The following FAF1 variants were observed in gnomAD, a reference collection of about 807,000 sequenced individuals.
The protein encoded by FAF1 is FAS-associated factor 1.
FAF1 carries 25 observed loss-of-function variants against 92.5 expected under a neutral mutation model. The ratio of observed to expected loss-of-function variants is 0.27; its 90% CI spans 0.20 to 0.38. The LOEUF is 0.38. Among genes scored for constraint, FAF1 ranks in the 10% least tolerant of loss-of-function variants. The pLI is 1.00. For missense variants in FAF1, 636 were observed against 793.3 expected, an observed-to-expected ratio of 0.80 and a Z score of 2.38; for synonymous variants, 234 against 273.2, an observed-to-expected ratio of 0.86 and a Z score of 1.42.
At chr1:50,688,610 C>A in intron 7 of FAF1, among the ~76,000 whole-genome samples, 1 of 152,066 alleles carries the variant, frequency 6.6e-6, no homozygotes, top group East Asian at 1.9e-4. Flanking sequence ...GGCGGAAGTT[C>A]GAGACCAACC....
chr1:50,907,352 G>A (rs1644848568), intron 1 of FAF1, among the ~76,000 whole-genome samples: 1 of 152,122 alleles, frequency 6.6e-6, no homozygotes, highest in Non-Finnish European at 1.5e-5. Context: ...TTTTTTGGTT[G>A]TGTCTCTGCC....
rs569675138 is a variant in FAF1, at chr1:50,622,570, C to T, written c.745-26354G>A. On this transcript the variant is annotated intron_variant, in intron 8 of 18. Transcript: ENST00000396153. ...AAAGGATATTAGTACAATTGTCATC[C>T]AGGAATCTAATATTACTTGAAATTT... 2.6e-5 allele frequency among the ~76,000 whole-genome samples: 4 copies of T among 152,292 alleles called. No homozygotes were observed. The South Asian group carries it at 6.2e-4, about 24-fold the overall frequency.
chr1:50,711,833 T>C (rs896228047), intron 6 of FAF1, among the ~76,000 whole-genome samples: 1 of 152,164 alleles, frequency 6.6e-6, no homozygotes, highest in African/African-American at 2.4e-5. Flanking sequence ...GAGTAGAGTT[T>C]GTTTGGAGAA....
intron 12 of FAF1, among the ~76,000 whole-genome samples, chr1:50,573,560 T>C (rs917877336): frequency 6.6e-6 from 1 of 152,204 alleles, no homozygotes; most frequent in East Asian, 1.9e-4. Flanking sequence ...AGAGTGCAGG[T>C]TGTATTGTGA....
chr1:50,509,555 T>A (rs116626164), intron 15 of FAF1, among the ~76,000 whole-genome samples: 1,948 of 152,188 alleles, frequency 0.013, 19 homozygotes, highest in Middle Eastern at 0.02. Context: ...GAGGCTGCAG[T>A]GAGCTGTGAC....
chr1:50,536,887 T>C (rs1458441716), intron 14 of FAF1, among the ~76,000 whole-genome samples: 1 of 152,058 alleles, frequency 6.6e-6, no homozygotes, highest in Non-Finnish European at 1.5e-5. Flanking sequence ...TTAGAAGGAG[T>C]GGAGATAACG....
chr1:50,629,050 A>T (rs1344732929), intron 8 of FAF1, among the ~76,000 whole-genome samples: 1 of 152,140 alleles, frequency 6.6e-6, no homozygotes, highest in Non-Finnish European at 1.5e-5. Context: ...TATGTGTATT[A>T]GACTAATGCC....
chr1:50,904,831 C>A (rs977462017), intron 1 of FAF1, among the ~76,000 whole-genome samples: 3 of 152,082 alleles, frequency 2.0e-5, no homozygotes, highest in Non-Finnish European at 4.4e-5. Context: ...TAAAAAAATA[C>A]ATTATCAATA....
At chr1:50,755,727 T>C (rs1236495553) in intron 4 of FAF1, among the ~76,000 whole-genome samples, 1 of 152,176 alleles carries the variant, frequency 6.6e-6, no homozygotes, top group Non-Finnish European at 1.5e-5. Context: ...ACACATCTTC[T>C]GAAATATAGG....
chr1:50,570,305 G>C (rs1037408880), intron 12 of FAF1, among the ~76,000 whole-genome samples: 8 of 152,160 alleles, frequency 5.3e-5, no homozygotes, highest in Admixed American at 4.6e-4. Flanking sequence ...TTTTCCACAA[G>C]GAAACTTTAG....
Position 50,582,628 on chromosome 1 carries a change from T to C in FAF1, c.1103A>G (p.Lys368Arg). The change falls in exon 12 of 19, where the codon AAA becomes AGA. Residue 368 changes from lysine (K) to arginine (R), a missense_variant. Lys to Arg is a conservative substitution (Grantham distance 26, BLOSUM62 2). This residue lies in a region of FAF1 where 319 missense variants were observed against 451.0 expected (regional missense o/e 0.71). Transcript: ENST00000396153. ...TCAAACTGTACTTACATCTCGGGCTTTCACATAGAAGGCCTCTTGAAAAGC... is the reference window on the plus strand; with the variant it reads ...TCAAACTGTACTTACATCTCGGGCTCTCACATAGAAGGCCTCTTGAAAAGC... ...EAAFQEAFYV[K>R]ARDRKLLAIY... The C allele has an allele frequency of 6.2e-7, 1 of 1,610,472 alleles. No individual in the cohort carries two copies. The highest frequency in any genetic ancestry group is 8.5e-7 in the Non-Finnish European group (1 of 1,176,824).
intron 2 of FAF1, among the ~76,000 whole-genome samples, chr1:50,818,759 G>A (rs184935190): frequency 6.6e-6 from 1 of 152,040 alleles, no homozygotes; most frequent in African/African-American, 2.4e-5. Flanking sequence ...CCAGGCGGGG[G>A]CCGGGAGGCA....
intron 18 of FAF1, among the ~76,000 whole-genome samples, chr1:50,468,509 G>T (rs923555527): frequency 1.3e-5 from 2 of 150,984 alleles, no homozygotes; most frequent in African/African-American, 2.4e-5. Flanking sequence ...GCCCAGGCTG[G>T]AGTACAGTGG....
At chr1:50,937,934 T>C (rs546195231) in intron 1 of FAF1, among the ~76,000 whole-genome samples, 50 of 152,352 alleles carry the variant, frequency 3.3e-4, no homozygotes, top group South Asian at 1.0e-3. Context: ...CTTACATCCT[T>C]GCATCACAAG....
At chr1:50,650,623 A>T (rs537028564) in intron 8 of FAF1, among the ~76,000 whole-genome samples, 2 of 152,348 alleles carry the variant, frequency 1.3e-5, no homozygotes, top group Admixed American at 6.5e-5. Flanking sequence ...GTCTCAAAAA[A>T]ATATATAAAT....
intron 8 of FAF1, among the ~76,000 whole-genome samples, chr1:50,641,212 T>A (rs559208845): frequency 1.6e-4 from 25 of 152,166 alleles, no homozygotes; most frequent in Non-Finnish European, 2.8e-4. Context: ...TTTTTTCTTA[T>A]CTTTACTATG....
At chr1:50,671,703 G>A (rs935399211) in intron 7 of FAF1, among the ~76,000 whole-genome samples, 37 of 151,672 alleles carry the variant, frequency 2.4e-4, no homozygotes, top group East Asian at 3.9e-4. Flanking sequence ...ATACCTTATC[G>A]ATTCATTAAG....
In FAF1 at chr1:50,744,420, C is replaced by T. The variant is rs375872069; in HGVS notation, c.459+264G>A. ...AAGGTAAAGCCTCTCAAAAAAAGGG[C>T]CAAACTCCTTTAAAAGTTAGAAATA... is the stretch of plus-strand genomic sequence containing the variant. On this transcript the variant is annotated intron_variant, in intron 5 of 18. Transcript: ENST00000396153. Among the ~76,000 whole-genome samples, 99 of 152,194 alleles carry T rather than the reference C, an allele frequency of 6.5e-4. 4 individuals are homozygous for T. In the South Asian group the frequency reaches 0.02, roughly 31 times the overall value.
intron 2 of FAF1, among the ~76,000 whole-genome samples, chr1:50,826,175 A>C (rs1644095530): frequency 6.6e-6 from 1 of 152,210 alleles, no homozygotes; most frequent in Non-Finnish European, 1.5e-5. Context: ...GAAAAATTTT[A>C]AAAAGAGTAA....
Sources: allele counts gnomAD v4.1 joint callset (sites outside exome capture counted in the v4.1 genomes callset), GRCh38; gene constraint gnomAD v4.1.1; regional missense constraint gnomAD v4.1.1; transcripts MANE v1.5; gene names NCBI Gene and HGNC (gene_info 2026-07-23, HGNC 2026-07-21).